The following MYC variants were observed in gnomAD, a reference collection of about 807,000 sequenced individuals.
MYC encodes myc proto-oncogene protein.
Under a neutral mutation model 30.5 loss-of-function variants are expected in MYC, and 1 was observed. The observed-to-expected ratio is 0.03, with a 90% CI of 0.01 to 0.16. The LOEUF is 0.16. Among genes scored for constraint, MYC ranks in the 10% least tolerant of loss-of-function variants. The pLI is 1.00. For synonymous variants in MYC, 267 were observed against 250.7 expected, an observed-to-expected ratio of 1.07 and a Z score of -0.62; for missense variants, 508 against 589.0, an observed-to-expected ratio of 0.86 and a Z score of 1.42.
rs746409847 is a variant in MYC at position 127,740,581 on chromosome 8, A to C, written c.988A>C (p.Thr330Pro). ...GCACAACTACGCAGCGCCTCCCTCCACTCGGAAGGACTATCCTGCTGCCAA... is the reference window on the plus strand; with the variant it reads ...GCACAACTACGCAGCGCCTCCCTCCCCTCGGAAGGACTATCCTGCTGCCAA... The change falls in exon 3 of 3, where the codon ACT (threonine) becomes CCT (proline). Residue 330 changes from threonine to proline, a missense_variant. Coordinates refer to ENST00000621592, the MANE Select transcript of MYC (RefSeq NM_002467.6). 1.2e-6 allele frequency: 2 copies of C among 1,613,800 alleles called. No homozygotes were observed. Among genetic ancestry groups the C allele is most frequent in the Non-Finnish European group, 1.7e-6 (2 of 1,179,972 alleles).
upstream of MYC, chr8:127,736,061 C>G (rs7015537): frequency 5.0e-6 from 2 of 403,696 alleles, no homozygotes; most frequent in Admixed American, 8.3e-5. Context: ...AGGGTCTGGA[C>G]GGCTGAGGAC....
Position 127,742,424 on chromosome 8 carries a change from T to C in MYC, c.*1466T>C, listed in dbSNP as rs375266627. On this transcript the variant is annotated 3_prime_UTR_variant, in exon 3 of 3. Transcript: ENST00000621592. ...TGTGAGTACAGGAGTTACAGTCCAG[T>C]GGGTTATGTTTTTTAAGTCTCAACA... Among the ~76,000 whole-genome samples the C allele has an allele frequency of 6.6e-6, 1 of 152,234 alleles. No homozygotes were observed. The highest frequency in any genetic ancestry group is 2.1e-4 in the South Asian group (1 of 4,828).
Position 127,738,011 on chromosome 8 carries a change from C to T in MYC, c.31-237C>T, listed in dbSNP as rs983346074. Among the ~76,000 whole-genome samples, 2 of 151,868 alleles carry T rather than the reference C, an allele frequency of 1.3e-5. No individual in the cohort carries two copies. Among genetic ancestry groups the T allele is most frequent in the South Asian group, 4.2e-4 (2 of 4,802 alleles). ...CCGGGCTCCCGGGGGAGCGGGGGCT[C>T]GGCGGGCACCAAGCCGCTGGTTCAC... On this transcript the variant is annotated intron_variant, in intron 1 of 2. Coordinates refer to ENST00000621592, the MANE Select transcript of MYC (RefSeq NM_002467.6). The surrounding 1 kb of genome is among the most constrained non-coding windows in gnomAD (Gnocchi z 7.6).
rs1156821729 is a variant in MYC, at chr8:127,741,408, CA to C, written c.*453del. 8.9e-6 allele frequency: 2 copies of C among 224,770 alleles called. No individual in the cohort carries two copies. The highest frequency in any genetic ancestry group is 2.2e-5 in the African/African-American group (1 of 44,910). 13.9% of individuals were successfully genotyped at this position (224,770 alleles called of 1,614,324 possible). A position where few individuals can be genotyped will look rare whatever the true frequency, so the allele number is the denominator to read the frequency against. On this transcript the variant is annotated 3_prime_UTR_variant, in exon 3 of 3. Coordinates refer to ENST00000621592, the MANE Select transcript of MYC (RefSeq NM_002467.6). ...TTTTTAGAAAAAATAAAATAACTGG[CA>C]AATATATCATTGAGCCAAATCTTAA...
At position 127,738,513 on chromosome 8, in the gene MYC, G is replaced by A. The variant is rs1362063441; in HGVS notation, c.296G>A (p.Gly99Glu). The change falls in exon 2 of 3, where the codon GGA becomes GAA. Residue 99 changes from glycine to glutamate, a missense_variant. Physicochemically the swap from Gly to Glu is moderately conservative, Grantham distance 98. This residue lies in a region of MYC where 364 missense variants were observed against 381.1 expected (regional missense o/e 0.96). Transcript: ENST00000621592. This position sits in a 1 kb window ranked among gnomAD's most constrained non-coding sequence, Gnocchi z 7.6. ...GCGGTCACACCCTTCTCCCTTCGGG[G>A]AGACAACGACGGCGGTGGCGGGAGC... is the stretch of plus-strand genomic sequence containing the variant. The A allele has an allele frequency of 2.5e-6, 4 of 1,611,010 alleles. No individual in the cohort carries two copies. The Middle Eastern group carries it at 5.0e-4, about 200-fold the overall frequency.
chr8:127,735,908 C>G (rs1813575800), upstream of MYC: 2 of 399,582 alleles, frequency 5.0e-6, no homozygotes, highest in African/African-American at 2.1e-5. Flanking sequence ...GCTCGGCTGC[C>G]CGGCTGAGTC....
rs779878619 is a variant in MYC at position 127,740,403 on chromosome 8, A to G, written c.810A>G (p.Glu270=). The change falls in exon 3 of 3, where the codon GAA becomes GAG. Residue 270 remains glutamate (E), a synonymous_variant. Coordinates refer to ENST00000621592, the MANE Select transcript of MYC (RefSeq NM_002467.6). ...CTATTTCCTTTCTTAAAGAGGAGGA[A>G]CAAGAAGATGAGGAAGAAATCGATG... The G allele has an allele frequency of 1.2e-6, 2 of 1,613,184 alleles. No individual in the cohort carries two copies. Among genetic ancestry groups the G allele is most frequent in the South Asian group, 2.2e-5 (2 of 91,056 alleles).
At chr8:127,736,671 T>C (rs1813596884) in intron 1 of MYC, 48 bp downstream of exon 1, 12 of 1,596,066 alleles carry the variant, frequency 7.5e-6, no homozygotes, top group Non-Finnish European at 9.4e-6. Context: ...TTTATCACTT[T>C]AATGCTGAGA....
upstream of MYC, chr8:127,735,967 C>T: frequency 2.5e-6 from 1 of 398,272 alleles, no homozygotes. Context: ...AGCGCCCCTC[C>T]CGGGTTCCCA....
rs1813638074 is a variant in MYC, at chr8:127,738,174, C to A, written c.31-74C>A. The A allele has an allele frequency of 2.0e-6, 3 of 1,499,688 alleles. No individual in the cohort carries two copies. Among genetic ancestry groups the A allele is most frequent in the African/African-American group, 2.8e-5 (2 of 71,592 alleles). The allele number at this position is 1,499,688 out of a possible 1,614,324, so 92.9% of individuals were successfully genotyped here. The stretch of plus-strand genomic sequence containing the variant: ...AGGTTCGGGACTGTGGCGCGCACTG[C>A]GCGCTGCGCCAGGTTTCCGCACCAA... On this transcript the variant is annotated intron_variant, in intron 1 of 2. Transcript: ENST00000621592. The surrounding 1 kb of genome is among the most constrained non-coding windows in gnomAD (Gnocchi z 7.6).
upstream of MYC, chr8:127,736,133 T>G (rs1370392861): frequency 2.3e-6 from 1 of 433,668 alleles, no homozygotes; most frequent in African/African-American, 2.0e-5. Flanking sequence ...GCTCCCCTCC[T>G]GCCTCGAGAA....
In MYC at chr8:127,740,441, A is replaced by G. The variant is rs1413496327; in HGVS notation, c.848A>G (p.Glu283Gly). Reference sequence around the variant, plus strand: ...GAAGAAATCGATGTTGTTTCTGTGGAAAAGAGGCAGGCTCCTGGCAAAAGG... The same window carrying G: ...GAAGAAATCGATGTTGTTTCTGTGGGAAAGAGGCAGGCTCCTGGCAAAAGG... The change falls in exon 3 of 3, where the codon GAA becomes GGA. Residue 283 changes from glutamate (E) to glycine (G), a missense_variant. Glu to Gly is a moderately conservative substitution (Grantham distance 98). This residue lies in a region of MYC where 364 missense variants were observed against 381.1 expected (regional missense o/e 0.96). Transcript: ENST00000621592. 1.2e-6 allele frequency: 2 copies of G among 1,614,122 alleles called. No homozygotes were observed. The highest frequency in any genetic ancestry group is 1.7e-5 in the Admixed American group (1 of 60,028).
intron 1 of MYC, among the ~76,000 whole-genome samples, chr8:127,737,974 G>T (rs576036035): frequency 6.6e-6 from 1 of 152,292 alleles, no homozygotes; most frequent in Admixed American, 6.5e-5. Flanking sequence ...GCCGACTCCC[G>T]GGCTTTGCGC....
At chr8:127,736,681 A>G (rs1813597069) in intron 1 of MYC, 58 bp downstream of exon 1, 11 of 1,556,502 alleles carry the variant, frequency 7.1e-6, no homozygotes, top group South Asian at 1.1e-5. Context: ...TAATGCTGAG[A>G]TGAGTCGAAT....
At chr8:127,735,635 TC>T (rs1429385291), upstream of MYC, 7 of 398,726 alleles carry the variant, frequency 1.8e-5, no homozygotes, top group African/African-American at 1.2e-4. Context: ...CGCGGCCCTT[TC>T]CCCAGCCTTA....
In MYC at chr8:127,738,673, C is replaced by G. The variant is rs1813651016; in HGVS notation, c.456C>G (p.Gly152=). ...TCATCCAGGACTGTATGTGGAGCGG[C>G]TTCTCGGCCGCCGCCAAGCTCGTCT... is the stretch of plus-strand genomic sequence containing the variant. Residue 152 remains glycine, a synonymous_variant, in exon 2 of 3, where the codon GGC becomes GGG. Transcript: ENST00000621592. This position sits in a 1 kb window ranked among gnomAD's most constrained non-coding sequence, Gnocchi z 7.6. 1 of 1,613,974 alleles carries G rather than the reference C, an allele frequency of 6.2e-7. No individual in the cohort carries two copies. The highest frequency in any genetic ancestry group is 1.3e-5 in the African/African-American group (1 of 74,940).
At position 127,738,155 on chromosome 8, in the gene MYC, G is replaced by T; in HGVS notation, c.31-93G>T. ...GATAGCTCTGCAAGGGGAGAGGTTC[G>T]GGACTGTGGCGCGCACTGCGCGCTG... is the stretch of plus-strand genomic sequence containing the variant. On this transcript the variant is annotated intron_variant, in intron 1 of 2. Coordinates refer to ENST00000621592, the MANE Select transcript of MYC (RefSeq NM_002467.6). The surrounding 1 kb of genome is among the most constrained non-coding windows in gnomAD (Gnocchi z 7.6). 1 of 1,450,794 alleles carries T rather than the reference G, an allele frequency of 6.9e-7. No individual in the cohort carries two copies. The highest frequency in any genetic ancestry group is 9.2e-7 in the Non-Finnish European group (1 of 1,083,680). The allele number at this position is 1,450,794 out of a possible 1,614,324, so 89.9% of individuals were successfully genotyped here.
Position 127,738,752 on chromosome 8 carries a change from C to G in MYC, c.535C>G (p.Pro179Ala). Residue 179 changes from proline (P) to alanine (A), a missense_variant, in exon 2 of 3, where the codon CCC becomes GCC. By Grantham distance (27) the Pro-to-Ala change is conservative (BLOSUM62 -1). Coordinates refer to ENST00000621592, the MANE Select transcript of MYC (RefSeq NM_002467.6). The surrounding 1 kb of genome is among the most constrained non-coding windows in gnomAD (Gnocchi z 7.6). ...GCGCAAAGACAGCGGCAGCCCGAAC[C>G]CCGCCCGCGGCCACAGCGTCTGCTC... 1.2e-6 allele frequency: 2 copies of G among 1,611,876 alleles called. No individual in the cohort carries two copies. Among genetic ancestry groups the G allele is most frequent in the Non-Finnish European group, 1.7e-6 (2 of 1,178,710 alleles).
Position 127,736,631 on chromosome 8 carries a change from C to G in MYC, c.30+8C>G, listed in dbSNP as rs775761084. 3 of 1,613,806 alleles carry G rather than the reference C, an allele frequency of 1.9e-6. No homozygotes were observed. The highest frequency in any genetic ancestry group is 4.5e-5 in the East Asian group (2 of 44,896). On this transcript the variant is annotated splice_region_variant and intron_variant, in intron 1 of 2. Transcript: ENST00000621592. ...CGGGTAGTGGAAAACCAGGTAAGCA[C>G]CGAAGTCCACTTGCCTTTTAATTTA...
Sources: allele counts gnomAD v4.1 joint callset (sites outside exome capture counted in the v4.1 genomes callset), GRCh38; gene constraint gnomAD v4.1.1; regional missense constraint gnomAD v4.1.1; non-coding constraint Gnocchi (gnomAD v3.1); transcripts MANE v1.5; gene names NCBI Gene and HGNC (gene_info 2026-07-23, HGNC 2026-07-21).